Variants in MDFIC2 observed in about 807,000 individuals in gnomAD.
The protein encoded by MDFIC2 is MyoD family inhibitor domain containing 2.
intron 2 of MDFIC2, among the ~76,000 whole-genome samples, chr3:70,289,573 G>A (rs1208688046): frequency 2.2e-4 from 33 of 148,194 alleles, no homozygotes; most frequent in Non-Finnish European, 3.6e-4. Flanking sequence ...TCTTTGTGGC[G>A]TTCTCTGTAT....
At chr3:70,212,481 C>G (rs1302282177) in intron 2 of MDFIC2, among the ~76,000 whole-genome samples, 1 of 152,086 alleles carries the variant, frequency 6.6e-6, no homozygotes, top group Non-Finnish European at 1.5e-5. Flanking sequence ...GTCCCTCCAT[C>G]CAATCATTTA....
intron 2 of MDFIC2, among the ~76,000 whole-genome samples, chr3:70,211,653 CTTCCCTTCCCT>C (rs1420717592): frequency 2.6e-4 from 30 of 114,938 alleles, no homozygotes; most frequent in African/African-American, 9.5e-4. Context: ...TTGCCTTTCC[CTTCCCTTCCCT>C]TTCCCTTCCC....
intron 2 of MDFIC2, chr3:70,249,493 C>T (rs922734054): frequency 6.6e-5 from 10 of 152,134 alleles, no homozygotes; most frequent in Non-Finnish European, 1.5e-4. Flanking sequence ...ATTTTTCCCT[C>T]ACATCTTTCT....
intron 2 of MDFIC2, among the ~76,000 whole-genome samples, chr3:70,308,422 T>C (rs1355866760): frequency 6.6e-6 from 1 of 152,138 alleles, no homozygotes; most frequent in Non-Finnish European, 1.5e-5. Context: ...TCTCCAAGCA[T>C]GGTTTTAAAA....
intron 2 of MDFIC2, among the ~76,000 whole-genome samples, chr3:70,239,571 A>G (rs1488168198): frequency 6.6e-6 from 1 of 152,200 alleles, no homozygotes; most frequent in African/African-American, 2.4e-5. Context: ...GAATTTAGAG[A>G]CACATAAATT....
At chr3:70,311,806 CCTT>C in intron 2 of MDFIC2, 77 bp downstream of exon 2, 1 of 393,922 alleles carries the variant, frequency 2.5e-6, no homozygotes. Context: ...ACAATTTCCT[CCTT>C]CTCCCACACT....
chr3:70,241,626 C>A (rs187499185), intron 2 of MDFIC2, among the ~76,000 whole-genome samples: 4 of 151,980 alleles, frequency 2.6e-5, no homozygotes, highest in Non-Finnish European at 5.9e-5. Flanking sequence ...AGTACCTGAC[C>A]CAAGTTCACA....
At chr3:70,267,510 C>T (rs555142550) in intron 2 of MDFIC2, among the ~76,000 whole-genome samples, 1 of 149,186 alleles carries the variant, frequency 6.7e-6, no homozygotes, top group African/African-American at 2.5e-5. Flanking sequence ...TCACGCCCTT[C>T]TCCTGCCTCA....
chr3:70,231,176 T>C (rs1559540645), intron 2 of MDFIC2, among the ~76,000 whole-genome samples: 1 of 152,188 alleles, frequency 6.6e-6, no homozygotes, highest in Non-Finnish European at 1.5e-5. Context: ...CAGGCTCCAG[T>C]CAGCAAGTGC....
intron 2 of MDFIC2, among the ~76,000 whole-genome samples, chr3:70,308,741 G>A (rs1315670708): frequency 2.6e-5 from 4 of 152,166 alleles, no homozygotes; most frequent in African/African-American, 9.7e-5. Context: ...ACTGAATTGA[G>A]TTGGATAAAT....
chr3:70,282,561 G>A lies in MDFIC2; in HGVS notation c.88+29325C>T, dbSNP rs557382569. On this transcript the variant is annotated intron_variant, in intron 2 of 3. Coordinates refer to ENST00000567252, the MANE Select transcript of MDFIC2 (RefSeq NM_001364677.1). Reference sequence around the variant, plus strand: ...ATTTTGTTGGCTTTGAACATTCCAAGCAGTCTCCTGAATCAGGAACTTTGC... The same window carrying A: ...ATTTTGTTGGCTTTGAACATTCCAAACAGTCTCCTGAATCAGGAACTTTGC... Among the ~76,000 whole-genome samples, 186 of 152,240 alleles carry A rather than the reference G, an allele frequency of 1.2e-3. 2 individuals carry two copies. Among genetic ancestry groups the A allele is most frequent in the Non-Finnish European group, 2.1e-4 (14 of 68,008 alleles).
intron 2 of MDFIC2, among the ~76,000 whole-genome samples, chr3:70,246,070 A>C (rs1026077196): frequency 6.6e-6 from 1 of 151,908 alleles, no homozygotes; most frequent in Admixed American, 6.6e-5. Context: ...TTTTATTCCC[A>C]AAAGATATCA....
intron 2 of MDFIC2, among the ~76,000 whole-genome samples, chr3:70,299,729 C>T (rs867265779): frequency 1.3e-5 from 2 of 152,122 alleles, no homozygotes; most frequent in Non-Finnish European, 2.9e-5. Context: ...AGTCCATCTT[C>T]GTAATATCCT....
chr3:70,289,475 C>G (rs1250445381), intron 2 of MDFIC2, among the ~76,000 whole-genome samples: 3 of 149,634 alleles, frequency 2.0e-5, no homozygotes, highest in Non-Finnish European at 4.5e-5. Context: ...CAACCTTTCT[C>G]TCTGGCTGCC....
At chr3:70,285,731 C>G (rs1702155021) in intron 2 of MDFIC2, among the ~76,000 whole-genome samples, 1 of 151,274 alleles carries the variant, frequency 6.6e-6, no homozygotes, top group Non-Finnish European at 1.5e-5. Flanking sequence ...TGTTTCCTGA[C>G]TTTTTAATGA....
At chr3:70,273,204 G>A (rs916740028) in intron 2 of MDFIC2, among the ~76,000 whole-genome samples, 2 of 152,196 alleles carry the variant, frequency 1.3e-5, no homozygotes, top group African/African-American at 2.4e-5. Context: ...GAGGTTTCAT[G>A]CAGATGTGAA....
At chr3:70,310,162 C>T (rs1309097688) in intron 2 of MDFIC2, among the ~76,000 whole-genome samples, 1 of 151,574 alleles carries the variant, frequency 6.6e-6, no homozygotes, top group Non-Finnish European at 1.5e-5. Context: ...AAGACCTTTT[C>T]AAAAAAAGAA....
chr3:70,309,682 GA>G (rs530680064), intron 2 of MDFIC2, among the ~76,000 whole-genome samples: 1 of 151,488 alleles, frequency 6.6e-6, no homozygotes, highest in Admixed American at 6.6e-5. Flanking sequence ...TCTTAACATT[GA>G]AAAAAAAGAC....
chr3:70,285,569 A>G (rs1395832741), intron 2 of MDFIC2, among the ~76,000 whole-genome samples: 1 of 151,662 alleles, frequency 6.6e-6, no homozygotes, highest in African/African-American at 2.4e-5. Flanking sequence ...TTGGGTATAT[A>G]CCCAGTAATG....
Sources: allele counts gnomAD v4.1 joint callset (sites outside exome capture counted in the v4.1 genomes callset), GRCh38; gene constraint gnomAD v4.1.1; transcripts MANE v1.5; gene names NCBI Gene and HGNC (gene_info 2026-07-23, HGNC 2026-07-21).